MCC: variants seen among roughly 807,000 people sequenced by gnomAD.
MCC encodes the protein MCC regulator of Wnt signaling pathway, also known as colorectal mutant cancer protein.
Under a neutral mutation model 116.2 loss-of-function variants are expected in MCC, and 90 were observed. The observed-to-expected ratio is 0.77, with a 90% CI of 0.65 to 0.92. MCC has a LOEUF of 0.92. Among genes scored for constraint, MCC ranks in the 40% least tolerant of loss-of-function variants. The pLI, the probability that MCC is intolerant of heterozygous loss-of-function variation, is 0.00. For synonymous variants in MCC, 578 were observed against 510.5 expected, an observed-to-expected ratio of 1.13 and a Z score of -1.78; for missense variants, 1,516 against 1,312.2, an observed-to-expected ratio of 1.16 and a Z score of -2.40.
At chr5:113,174,285 C>G (rs17135386) in intron 3 of MCC, among the ~76,000 whole-genome samples, 17,095 of 152,156 alleles carry the variant, frequency 0.11, 1,149 homozygotes, top group African/African-American at 0.18. Context: ...AGGGACTCAG[C>G]TAACAAAAAC....
At chr5:113,197,311 G>A (rs1285989461) in intron 3 of MCC, among the ~76,000 whole-genome samples, 1 of 152,098 alleles carries the variant, frequency 6.6e-6, no homozygotes, top group Admixed American at 6.5e-5. Flanking sequence ...AGAGGAGATA[G>A]GTGACTGCTT....
intron 3 of MCC, among the ~76,000 whole-genome samples, chr5:113,242,473 C>G (rs925449723): frequency 4.5e-4 from 68 of 152,112 alleles, no homozygotes; most frequent in African/African-American, 1.4e-3. Context: ...AAAATTAAGT[C>G]TTACATTCAC....
intron 3 of MCC, among the ~76,000 whole-genome samples, chr5:113,268,295 A>G (rs935975812): frequency 6.6e-6 from 1 of 152,126 alleles, no homozygotes; most frequent in South Asian, 2.1e-4. Flanking sequence ...AATGAACTCT[A>G]CCTTTTCCCA....
chr5:113,315,268 C>T (rs994428959), intron 3 of MCC, among the ~76,000 whole-genome samples: 2 of 152,138 alleles, frequency 1.3e-5, no homozygotes, highest in Non-Finnish European at 2.9e-5. Context: ...TAACAGTATC[C>T]ATAGCTCTTC....
At chr5:113,279,570 G>A (rs1304231719) in intron 3 of MCC, among the ~76,000 whole-genome samples, 1 of 152,140 alleles carries the variant, frequency 6.6e-6, no homozygotes, top group Non-Finnish European at 1.5e-5. Flanking sequence ...TCGTATCTTT[G>A]TAAGAAAGGA....
At chr5:113,254,402 T>A (rs926995815) in intron 3 of MCC, among the ~76,000 whole-genome samples, 2 of 152,218 alleles carry the variant, frequency 1.3e-5, no homozygotes, top group Non-Finnish European at 2.9e-5. Flanking sequence ...TGTCAGCTGT[T>A]CAGCAAGTCC....
chr5:113,327,557 A>ATATATATATATATATATATATAT (rs1243077934), intron 3 of MCC, among the ~76,000 whole-genome samples: 17 of 81,968 alleles, frequency 2.1e-4, no homozygotes, highest in South Asian at 3.2e-4. Context: ...AAAAAAAAAA[A>ATATATATATATATATATATATAT]AAAAATATAT....
rs1407698661 is a variant in MCC at position 113,026,126 on chromosome 5, C to A, written c.*1176G>T. 6.6e-6 allele frequency: 1 copy of A among 152,156 alleles called. No homozygotes were observed. Among genetic ancestry groups the A allele is most frequent in the Admixed American group, 6.5e-5 (1 of 15,280 alleles). 9.4% of individuals were successfully genotyped at this position (152,156 alleles called of 1,614,324 possible). ...TTCAGTTACTTTGGTACTGCCTAGCCCTGTAAGCATTTTGCTTGAAATTTA... is the reference window on the plus strand; with the variant it reads ...TTCAGTTACTTTGGTACTGCCTAGCACTGTAAGCATTTTGCTTGAAATTTA... On this transcript the variant is annotated 3_prime_UTR_variant, in exon 19 of 19. Transcript: ENST00000408903.
intron 3 of MCC, among the ~76,000 whole-genome samples, chr5:113,320,267 C>G (rs1473422073): frequency 6.6e-6 from 1 of 152,042 alleles, no homozygotes; most frequent in African/African-American, 2.4e-5. Flanking sequence ...TACACACACA[C>G]ACACACAATT....
rs952402575 is a variant in MCC, at chr5:113,414,214, C to T, written c.171-29002G>A. Among the ~76,000 whole-genome samples, 12 of 152,174 alleles carry T rather than the reference C, an allele frequency of 7.9e-5. No individual in the cohort carries two copies. The South Asian group carries it at 1.0e-3, about 13-fold the overall frequency. On this transcript the variant is annotated intron_variant, in intron 1 of 18. Coordinates refer to ENST00000408903, the MANE Select transcript of MCC (RefSeq NM_001085377.2). Reference sequence around the variant, plus strand: ...TATGTGGTCAATTTTGGAATAAGTGCGATTTGGTGCTGAGAAGGATGTATA... The same window carrying T: ...TATGTGGTCAATTTTGGAATAAGTGTGATTTGGTGCTGAGAAGGATGTATA...
chr5:113,100,617 A>G (rs370178198), intron 8 of MCC, among the ~76,000 whole-genome samples: 93 of 152,128 alleles, frequency 6.1e-4, no homozygotes, highest in Admixed American at 1.4e-3. Flanking sequence ...GACTACAGGC[A>G]CACAGCACCA....
chr5:113,399,280 T>C (rs1769614255), intron 1 of MCC, among the ~76,000 whole-genome samples: 1 of 152,088 alleles, frequency 6.6e-6, no homozygotes, highest in Admixed American at 6.5e-5. Context: ...GATCAGGAGA[T>C]TGAGACCATC....
chr5:113,203,567 G>C (rs1234086303), intron 3 of MCC, among the ~76,000 whole-genome samples: 2 of 152,140 alleles, frequency 1.3e-5, no homozygotes, highest in African/African-American at 4.8e-5. Context: ...ACTATTTACA[G>C]AAGAGTCAAG....
intron 1 of MCC, among the ~76,000 whole-genome samples, chr5:113,451,074 G>C (rs1006927713): frequency 6.6e-6 from 1 of 151,564 alleles, no homozygotes; most frequent in African/African-American, 2.4e-5. Context: ...CACTGCCCTA[G>C]GCTGTAACTC....
intron 14 of MCC, among the ~76,000 whole-genome samples, chr5:113,060,252 T>G (rs4705767): frequency 0.53 from 79,773 of 151,900 alleles, 22,274 homozygotes; most frequent in Admixed American, 0.64. Context: ...CCTCCTGGGT[T>G]CAAGCAATTC....
intron 1 of MCC, among the ~76,000 whole-genome samples, chr5:113,461,513 T>C (rs1462690692): frequency 1.3e-5 from 2 of 151,560 alleles, no homozygotes; most frequent in African/African-American, 4.9e-5. Context: ...ATACAAGAAA[T>C]AATTAGAAGG....
intron 8 of MCC, among the ~76,000 whole-genome samples, chr5:113,090,400 G>A (rs1284616636): frequency 2.6e-5 from 4 of 151,628 alleles, no homozygotes; most frequent in African/African-American, 7.2e-5. Context: ...TGACAGCTCA[G>A]TTGAGCTCTC....
chr5:113,120,271 T>C (rs4235792), intron 6 of MCC, among the ~76,000 whole-genome samples: 144,036 of 152,236 alleles, frequency 0.95, 68,562 homozygotes, highest in East Asian at 1. Context: ...GAACTTGGCA[T>C]ATGCATGGTC....
chr5:113,231,909 C>T (rs1212027308), intron 3 of MCC, among the ~76,000 whole-genome samples: 1 of 152,078 alleles, frequency 6.6e-6, no homozygotes, highest in Non-Finnish European at 1.5e-5. Context: ...CTATTAATCC[C>T]CAGTAATCTC....
Sources: allele counts gnomAD v4.1 joint callset (sites outside exome capture counted in the v4.1 genomes callset), GRCh38; gene constraint gnomAD v4.1.1; transcripts MANE v1.5; gene names NCBI Gene and HGNC (gene_info 2026-07-23, HGNC 2026-07-21).